CTU1: variants seen among roughly 807,000 people sequenced by gnomAD.
CTU1 encodes the protein cytoplasmic tRNA 2-thiolation protein 1.
Under a neutral mutation model 12.9 loss-of-function variants are expected in CTU1, and 15 were observed. The ratio of observed to expected loss-of-function variants is 1.16; its 90% confidence interval spans 0.78 to 1.79. The LOEUF is 1.79. Ranked by LOEUF, CTU1 falls within the 40% of genes most tolerant of loss-of-function variation. The probability of loss-of-function intolerance (pLI) is 0.00; values close to 1 mark genes in which losing one functional copy is unlikely to be tolerated. For synonymous variants in CTU1, 295 were observed against 275.6 expected (o/e 1.07, Z -0.70); for missense variants, 553 against 550.5 (o/e 1.00, Z -0.05).
intron 2 of CTU1, among the ~76,000 whole-genome samples, 162 bp downstream of exon 2, chr19:51,103,900 C>T (rs2091912843): frequency 6.6e-6 from 1 of 152,212 alleles, no homozygotes; most frequent in South Asian, 2.1e-4. Flanking sequence ...CAGCATGCGC[C>T]CTTCCGCACC....
At chr19:51,104,926 T>C (rs922396343) in intron 1 of CTU1, among the ~76,000 whole-genome samples, 1 of 152,094 alleles carries the variant, frequency 6.6e-6, no homozygotes, top group African/African-American at 2.4e-5. Flanking sequence ...TGGGGGTGTA[T>C]ATTAAGGCCC....
rs539484680 is a variant in CTU1 at position 51,098,527 on chromosome 19, G to C, written c.*74C>G. 2 of 1,178,108 alleles carry C rather than the reference G, an allele frequency of 1.7e-6. No homozygotes were observed. Among genetic ancestry groups the C allele is most frequent in the Non-Finnish European group, 1.1e-6 (1 of 944,702 alleles). 73.0% of individuals were successfully genotyped at this position (1,178,108 alleles called of 1,614,324 possible). A position where few individuals can be genotyped will look rare whatever the true frequency, so the allele number is the denominator to read the frequency against. On this transcript the variant is annotated 3_prime_UTR_variant, in exon 3 of 3. Coordinates refer to ENST00000421832, the MANE Select transcript of CTU1 (RefSeq NM_145232.4). This position sits in a 1 kb window ranked among gnomAD's most constrained non-coding sequence, Gnocchi z 4.3. ...CACATGGAAGGCCAGGTAAGGTAAC[G>C]GGTTTATTCACAGTGTCATTTACAG...
At chr19:51,101,152 C>T (rs1024983817) in intron 2 of CTU1, among the ~76,000 whole-genome samples, 4 of 152,148 alleles carry the variant, frequency 2.6e-5, no homozygotes, top group African/African-American at 4.8e-5. Flanking sequence ...CCATGTTGGC[C>T]AGGCTGGTCT....
chr19:51,106,971 T>C (rs2091922202), intron 1 of CTU1, among the ~76,000 whole-genome samples: 1 of 152,156 alleles, frequency 6.6e-6, no homozygotes, highest in South Asian at 2.1e-4. Flanking sequence ...TTCTTGCCCA[T>C]CTGTTCCCTC....
chr19:51,104,708 G>A (rs2122798489), intron 1 of CTU1, 118 bp from the exon 2 acceptor site: 7 of 778,354 alleles, frequency 9.0e-6, no homozygotes, highest in Non-Finnish European at 1.2e-5. Context: ...AGACGTGTGC[G>A]CGAGTGGAGT....
rs1204952875 is a variant in CTU1 at position 51,097,678 on chromosome 19, C to CGGGGGGGGAT, written c.*922_*923insATCCCCCCCC. 20 of 7,612 alleles carry CGGGGGGGGAT rather than the reference C, an allele frequency of 2.6e-3. 4 individuals carry two copies. The highest frequency in any genetic ancestry group is 0.042 in the East Asian group (2 of 48). 0.5% of individuals were successfully genotyped at this position (7,612 alleles called of 1,614,324 possible). On this transcript the variant is annotated 3_prime_UTR_variant, in exon 3 of 3. Coordinates refer to ENST00000421832, the MANE Select transcript of CTU1 (RefSeq NM_145232.4). Reference sequence around the variant, plus strand: ...ATTTCCTCCCAGTGGTGCCTTGATGCGGGGGGGATGGGGGGGCGGGGGGGA... The same window carrying CGGGGGGGGAT: ...ATTTCCTCCCAGTGGTGCCTTGATGCGGGGGGGGATGGGGGGGATGGGGGGGCGGGGGGGA...
rs148992000 is a variant in CTU1, at chr19:51,102,158, C to T, written c.508+1904G>A. On this transcript the variant is annotated intron_variant, in intron 2 of 2. Transcript: ENST00000421832. Reference sequence around the variant, plus strand: ...AGCTGGGATTACAGCCGCCCACCACCACACTCAGCTAATTTTTGTATTCTT... The same window carrying T: ...AGCTGGGATTACAGCCGCCCACCACTACACTCAGCTAATTTTTGTATTCTT... 2.2e-4 allele frequency among the ~76,000 whole-genome samples: 34 copies of T among 152,274 alleles called. No individual in the cohort carries two copies. In the East Asian group the frequency reaches 6.2e-3, roughly 28 times the overall value.
chr19:51,102,124 C>A (rs1299371464), intron 2 of CTU1, among the ~76,000 whole-genome samples: 6 of 152,222 alleles, frequency 3.9e-5, no homozygotes, highest in African/African-American at 1.4e-4. Flanking sequence ...CTGCCTCAGC[C>A]TCCCGTGTAG....
intron 2 of CTU1, among the ~76,000 whole-genome samples, chr19:51,102,245 C>T (rs186815295): frequency 2.6e-5 from 4 of 152,326 alleles, no homozygotes; most frequent in South Asian, 2.1e-4. Flanking sequence ...CTTGTGATTC[C>T]GCCTGCCTCA....
chr19:51,103,568 G>C (rs2091912004), intron 2 of CTU1, among the ~76,000 whole-genome samples: 1 of 127,706 alleles, frequency 7.8e-6, no homozygotes, highest in African/African-American at 3.0e-5. Flanking sequence ...CTGGGAGACA[G>C]AGCGAGACTC....
Position 51,098,352 on chromosome 19 carries a change from CCT to C in CTU1, c.*247_*248del. ...CTTCTAGGCTTAGTCCTGGCCCTCT[CCT>C]CTCTCAGACCTAGGATGGTCCCCCA... On this transcript the variant is annotated 3_prime_UTR_variant, in exon 3 of 3. Transcript: ENST00000421832. This position sits in a 1 kb window ranked among gnomAD's most constrained non-coding sequence, Gnocchi z 4.3. The C allele has an allele frequency of 3.3e-6, 1 of 299,948 alleles. No homozygotes were observed. The highest frequency in any genetic ancestry group is 6.1e-6 in the Non-Finnish European group (1 of 164,548). The allele number at this position is 299,948 out of a possible 1,614,324, so 18.6% of individuals were successfully genotyped here.
rs764945141 is a variant in CTU1, at chr19:51,098,829, C to A, written c.819G>T (p.Leu273=). 1.7e-5 allele frequency: 19 copies of A among 1,133,480 alleles called. No homozygotes were observed. Among genetic ancestry groups the A allele is most frequent in the Non-Finnish European group, 1.3e-5 (12 of 922,480 alleles). 70.2% of individuals were successfully genotyped at this position (1,133,480 alleles called of 1,614,324 possible). The change falls in exon 3 of 3, where the codon CTG becomes CTT. Residue 273 remains leucine, a synonymous_variant. Coordinates refer to ENST00000421832, the MANE Select transcript of CTU1 (RefSeq NM_145232.4). The surrounding 1 kb of genome is among the most constrained non-coding windows in gnomAD (Gnocchi z 4.3). ...VLDLVHSAER[L]ALAPAARPPR... is the part of the protein sequence containing the mutation. ...GGGGCCGCGCGGCCGGGGCCAGCGCCAGGCGCTCGGCCGAGTGCACGAGGT... is the reference window on the plus strand; with the variant it reads ...GGGGCCGCGCGGCCGGGGCCAGCGCAAGGCGCTCGGCCGAGTGCACGAGGT...
chr19:51,098,635 C>A lies in CTU1; in HGVS notation c.1013G>T (p.Arg338Leu). The A allele has an allele frequency of 2.3e-6, 3 of 1,309,204 alleles. No homozygotes were observed. The highest frequency in any genetic ancestry group is 2.0e-5 in the South Asian group (1 of 49,386). 81.1% of individuals were successfully genotyped at this position (1,309,204 alleles called of 1,614,324 possible). A position where few individuals can be genotyped will look rare whatever the true frequency, so the allele number is the denominator to read the frequency against. ...ATPGTPGDPA[R>L]PPASKAVPTF is the part of the protein sequence containing the mutation. ...GGGGACGGCCTTGGAGGCGGGGGGC[C>A]GGGCCGGATCCCCGGGCGTCCCCGG... Residue 338 changes from arginine (R) to leucine (L), a missense_variant, in exon 3 of 3, where the codon CGG (arginine) becomes CTG (leucine). This residue lies in a region of CTU1 where 53 missense variants were observed against 92.0 expected (regional missense o/e 0.58). Coordinates refer to ENST00000421832, the MANE Select transcript of CTU1 (RefSeq NM_145232.4). This position sits in a 1 kb window ranked among gnomAD's most constrained non-coding sequence, Gnocchi z 4.3.
intron 2 of CTU1, 100 bp from the exon 3 acceptor site, chr19:51,099,239 G>C: frequency 9.0e-7 from 1 of 1,114,712 alleles, no homozygotes; most frequent in Non-Finnish European, 1.2e-6. Context: ...CCCAGAGAGA[G>C]ACTGGGAGGA....
At chr19:51,106,741 C>T (rs1306992092) in intron 1 of CTU1, among the ~76,000 whole-genome samples, 2 of 149,146 alleles carry the variant, frequency 1.3e-5, no homozygotes, top group African/African-American at 2.5e-5. Flanking sequence ...TGGTCTTGAA[C>T]TCCTGACCTC....
At position 51,099,022 on chromosome 19, in the gene CTU1, CGCGGCAGG is replaced by C; in HGVS notation, c.618_625del (p.Arg209ProfsTer259). 1 of 1,509,312 alleles carries C rather than the reference CGCGGCAGG, an allele frequency of 6.6e-7. No individual in the cohort carries two copies. Among genetic ancestry groups the C allele is most frequent in the Non-Finnish European group, 8.8e-7 (1 of 1,132,498 alleles). The allele number at this position is 1,509,312 out of a possible 1,614,324, so 93.5% of individuals were successfully genotyped here. On this transcript the variant is annotated frameshift_variant, in exon 3 of 3. Transcript: ENST00000421832. LOFTEE classifies it high-confidence loss of function. ...CGAGGCGAACTGCAGCGGGCGGCAGCGCGGCAGGGCGCCCCCCTCGCCGGGAGAGCCCA... is the reference window on the plus strand; with the variant it reads ...CGAGGCGAACTGCAGCGGGCGGCAGCGCGCCCCCCTCGCCGGGAGAGCCCA...
chr19:51,104,624 T>C, intron 1 of CTU1, 34 bp from the exon 2 acceptor site: 3 of 1,220,882 alleles, frequency 2.5e-6, no homozygotes, highest in Non-Finnish European at 3.1e-6. Context: ...GGGTTACATA[T>C]GGATTCCGGA....
intron 2 of CTU1, among the ~76,000 whole-genome samples, chr19:51,102,999 G>T (rs2091910834): frequency 6.6e-6 from 1 of 152,178 alleles, no homozygotes; most frequent in African/African-American, 2.4e-5. Context: ...ACCATGCAAA[G>T]GTAGGAACTT....
In CTU1 at chr19:51,104,582, C is replaced by T; in HGVS notation, c.-13G>A. The T allele has an allele frequency of 2.4e-6, 3 of 1,245,308 alleles. No individual in the cohort carries two copies. Among genetic ancestry groups the T allele is most frequent in the South Asian group, 3.4e-5 (1 of 29,568 alleles). The allele number at this position is 1,245,308 out of a possible 1,614,324, so 77.1% of individuals were successfully genotyped here. On this transcript the variant is annotated 5_prime_UTR_variant, in exon 2 of 3. Transcript: ENST00000421832. Reference sequence around the variant, plus strand: ...GCGGGGCGGGCATTGCGGGAGGGGTCGGCTTCTCCTAGACAGGGAGAGAGA... The same window carrying T: ...GCGGGGCGGGCATTGCGGGAGGGGTTGGCTTCTCCTAGACAGGGAGAGAGA...
Sources: gnomAD v4.1 joint callset for allele counts (sites outside exome capture counted in the v4.1 genomes callset) on GRCh38, gnomAD v4.1.1 for gene constraint, gnomAD v4.1.1 regional missense constraint, Gnocchi (gnomAD v3.1) non-coding constraint, MANE v1.5 for transcripts, NCBI Gene and HGNC (gene_info 2026-07-23, HGNC 2026-07-21) for gene names.